MACROD2: variants seen among roughly 807,000 people sequenced by gnomAD.
MACROD2 encodes the protein mono-ADP ribosylhydrolase 2, also known as ADP-ribose glycohydrolase MACROD2.
A neutral mutation model predicts 70.4 loss-of-function variants in MACROD2; 36 were observed. The observed-to-expected ratio is 0.51, with a 90% CI of 0.39 to 0.68. MACROD2 has a LOEUF of 0.68. MACROD2 is among the 30% of genes least tolerant of loss of function. The pLI is 0.00. For synonymous variants in MACROD2, 172 were observed against 178.8 expected (o/e 0.96, Z 0.30); for missense variants, 496 against 538.4 (o/e 0.92, Z 0.78).
chr20:15,198,367 T>C (rs1216933626), intron 5 of MACROD2, among the ~76,000 whole-genome samples: 2 of 152,170 alleles, frequency 1.3e-5, no homozygotes, highest in Non-Finnish European at 2.9e-5. Context: ...ATTATAAGCA[T>C]TGCCAACGCG....
chr20:15,186,780 C>T (rs2076537366), intron 5 of MACROD2, among the ~76,000 whole-genome samples: 1 of 152,088 alleles, frequency 6.6e-6, no homozygotes, highest in African/African-American at 2.4e-5. Context: ...ACTTGGCCTC[C>T]CATGGAAGTC....
intron 3 of MACROD2, among the ~76,000 whole-genome samples, chr20:14,389,766 G>C (rs1432558503): frequency 2.0e-5 from 3 of 152,104 alleles, no homozygotes; most frequent in Non-Finnish European, 4.4e-5. Context: ...AATAATAAGA[G>C]CCATATATGA....
chr20:14,781,821 T>C (rs2072305359), intron 5 of MACROD2, among the ~76,000 whole-genome samples: 1 of 152,036 alleles, frequency 6.6e-6, no homozygotes. Context: ...AGATAATGTA[T>C]AACAGCCGTG....
chr20:14,394,149 C>A (rs1039876751), intron 3 of MACROD2, among the ~76,000 whole-genome samples: 20 of 152,100 alleles, frequency 1.3e-4, no homozygotes, highest in African/African-American at 4.6e-4. Flanking sequence ...TTTTAGTATA[C>A]ATGGAATCAG....
At chr20:14,051,926 C>T (rs2053572876) in intron 2 of MACROD2, 1 of 517,920 alleles carries the variant, frequency 1.9e-6, no homozygotes, top group African/African-American at 1.9e-5. Context: ...ATTCAGGATG[C>T]ATCTCTCATG....
intron 4 of MACROD2, among the ~76,000 whole-genome samples, chr20:14,611,417 TC>T (rs1983149753): frequency 6.6e-6 from 1 of 151,672 alleles, no homozygotes; most frequent in South Asian, 2.1e-4. Context: ...TTTGGGGTCT[TC>T]CTCATTATGT....
At chr20:16,009,478 C>G (rs2066832617) in intron 15 of MACROD2, among the ~76,000 whole-genome samples, 1 of 152,146 alleles carries the variant, frequency 6.6e-6, no homozygotes, top group African/African-American at 2.4e-5. Context: ...TAAGAGGGGC[C>G]AGGCACGGTG....
intron 8 of MACROD2, among the ~76,000 whole-genome samples, chr20:15,732,469 C>T (rs1320653261): frequency 3.3e-5 from 5 of 152,172 alleles, no homozygotes. Context: ...CCTTCTATTC[C>T]TAGTTTAATG....
chr20:14,240,867 T>C (rs1468396747), intron 3 of MACROD2, among the ~76,000 whole-genome samples: 1 of 152,176 alleles, frequency 6.6e-6, no homozygotes, highest in Non-Finnish European at 1.5e-5. Flanking sequence ...GTGGCGGCTC[T>C]TGCCTGTAAT....
chr20:15,507,914 A>G (rs2047449054), intron 8 of MACROD2, among the ~76,000 whole-genome samples: 1 of 152,226 alleles, frequency 6.6e-6, no homozygotes, highest in South Asian at 2.1e-4. Context: ...TGTTTCAGTT[A>G]GTGAGCTTAT....
At chr20:14,507,718 A>G (rs452733) in intron 4 of MACROD2, among the ~76,000 whole-genome samples, 27,583 of 152,104 alleles carry the variant, frequency 0.18, 2,786 homozygotes, top group South Asian at 0.36. Context: ...ACAACAATGA[A>G]TCAATAGATT....
At chr20:15,270,384 C>T (rs533292914) in intron 6 of MACROD2, among the ~76,000 whole-genome samples, 42 of 152,070 alleles carry the variant, frequency 2.8e-4, no homozygotes, top group African/African-American at 7.2e-4. Flanking sequence ...TCTATGAAGC[C>T]GTTGATATAA....
chr20:14,198,869 T>A (rs972131312), intron 3 of MACROD2, among the ~76,000 whole-genome samples: 4 of 152,248 alleles, frequency 2.6e-5, no homozygotes, highest in African/African-American at 9.6e-5. Context: ...TGGGGATTGC[T>A]GACCTCAAAT....
chr20:15,099,239 ATTGAAGC>A (rs2075854871), intron 5 of MACROD2, among the ~76,000 whole-genome samples: 1 of 152,196 alleles, frequency 6.6e-6, no homozygotes, highest in Non-Finnish European at 1.5e-5. Context: ...GCATTCATAT[ATTGAAGC>A]CCTAACCACT....
At chr20:15,922,502 G>A (rs2065425196) in intron 10 of MACROD2, among the ~76,000 whole-genome samples, 1 of 152,172 alleles carries the variant, frequency 6.6e-6, no homozygotes, top group Admixed American at 6.5e-5. Context: ...TTGCCTCGTA[G>A]TCCGTGGAGT....
chr20:15,914,149 A>G (rs1159954631), intron 10 of MACROD2, among the ~76,000 whole-genome samples: 1 of 152,208 alleles, frequency 6.6e-6, no homozygotes. Flanking sequence ...TTCTTTTTCT[A>G]GAATGGCTGC....
chr20:15,069,049 A>T (rs983801950), intron 5 of MACROD2, among the ~76,000 whole-genome samples: 1 of 152,186 alleles, frequency 6.6e-6, no homozygotes. Context: ...AGTTATTGGG[A>T]ACTAGTGTAG....
At chr20:14,628,277 T>G (rs2038908) in intron 4 of MACROD2, among the ~76,000 whole-genome samples, 25,029 of 152,096 alleles carry the variant, frequency 0.16, 3,959 homozygotes, top group African/African-American at 0.4. Context: ...TTTGGATTTA[T>G]TACTGTAGTC....
At chr20:14,597,756 C>G (rs1250712410) in intron 4 of MACROD2, among the ~76,000 whole-genome samples, 1 of 151,974 alleles carries the variant, frequency 6.6e-6, no homozygotes, top group Non-Finnish European at 1.5e-5. Flanking sequence ...GGTAAAGTCT[C>G]CTAATATTGT....
Sources: gnomAD v4.1 joint callset for allele counts (sites outside exome capture counted in the v4.1 genomes callset) on GRCh38, gnomAD v4.1.1 for gene constraint, MANE v1.5 for transcripts, NCBI Gene and HGNC (gene_info 2026-07-23, HGNC 2026-07-21) for gene names.